The following PLD3 variants were observed in gnomAD, a reference collection of about 807,000 sequenced individuals.
PLD3 encodes the protein 5'-3' exonuclease PLD3.
PLD3 carries 31 observed loss-of-function variants against 58.4 expected under a neutral mutation model. The ratio of observed to expected loss-of-function variants is 0.53; its 90% CI spans 0.40 to 0.72. The LOEUF is 0.72. Among genes scored for constraint, PLD3 ranks in the 30% least tolerant of loss-of-function variants. The probability of loss-of-function intolerance (pLI) is 0.00; values close to 1 mark genes in which losing one functional copy is unlikely to be tolerated. For missense variants in PLD3, 595 were observed against 659.8 expected, an observed-to-expected ratio of 0.90 and a Z score of 1.08; for synonymous variants, 264 against 273.4, an observed-to-expected ratio of 0.97 and a Z score of 0.34.
chr19:40,374,097 C>A (rs557806832), intron 9 of PLD3, among the ~76,000 whole-genome samples: 83 of 152,182 alleles, frequency 5.5e-4, no homozygotes, highest in Admixed American at 5.0e-3. Context: ...GACCCCACCC[C>A]AGCACTCTGA....
chr19:40,367,667 T>A, intron 5 of PLD3, 29 bp from the exon 6 acceptor site: 1 of 1,584,694 alleles, frequency 6.3e-7, no homozygotes, highest in South Asian at 1.1e-5. Context: ...TCCGGCACCG[T>A]ATGGCTGATA....
Position 40,377,783 on chromosome 19 carries a change from C to CA in PLD3, c.1186-2dup. On this transcript the variant is annotated splice_polypyrimidine_tract_variant and splice_region_variant and intron_variant, in intron 11 of 12. Coordinates refer to ENST00000409735, the MANE Select transcript of PLD3 (RefSeq NM_012268.4). ...CTCCTTCCCATCCTCCCCTCCCACTCAGAAACTCTTTGTGGTCCCCGCGGA... is the reference window on the plus strand; with the variant it reads ...CTCCTTCCCATCCTCCCCTCCCACTCAAGAAACTCTTTGTGGTCCCCGCGGA... 6.2e-7 allele frequency: 1 copy of CA among 1,612,224 alleles called. No homozygotes were observed. Among genetic ancestry groups the CA allele is most frequent in the Non-Finnish European group, 8.5e-7 (1 of 1,178,452 alleles).
chr19:40,370,074 A>G (rs773927974), intron 7 of PLD3, 36 bp from the exon 8 acceptor site: 29 of 1,585,698 alleles, frequency 1.8e-5, no homozygotes, highest in Non-Finnish European at 2.4e-5. Context: ...GGGGGTACCC[A>G]GCCTGGCCCC....
intron 1 of PLD3, among the ~76,000 whole-genome samples, chr19:40,362,317 A>G (rs766331587): frequency 6.6e-6 from 1 of 152,240 alleles, no homozygotes; most frequent in African/African-American, 2.4e-5. Flanking sequence ...CACTTCTCCA[A>G]GGTCAAACAG....
chr19:40,378,062 C>T lies in PLD3; in HGVS notation c.1362C>T (p.Gly454=), dbSNP rs771068976. The change falls in exon 13 of 13, where the codon GGC becomes GGT. Residue 454 remains glycine, a synonymous_variant. Transcript: ENST00000409735. ...TGCTGGTGACGCAGAATGGGAGGGG[C>T]GGCCTGCGGAGCCAGCTGGAGGCCA... The part of the protein sequence containing the change: ...TSLLVTQNGR[G]GLRSQLEAIF... The T allele has an allele frequency of 6.8e-6, 11 of 1,613,770 alleles. No homozygotes were observed. The highest frequency in any genetic ancestry group is 1.6e-4 in the Middle Eastern group (1 of 6,082).
At chr19:40,370,505 T>C in intron 8 of PLD3, 1 of 269,292 alleles carries the variant, frequency 3.7e-6, no homozygotes, top group Non-Finnish European at 7.0e-6. Context: ...AGACCCCATC[T>C]CTACCAAAAA....
intron 10 of PLD3, 43 bp from the exon 11 acceptor site, chr19:40,376,566 C>G: frequency 1.9e-6 from 3 of 1,579,502 alleles, no homozygotes; most frequent in Non-Finnish European, 2.6e-6. Context: ...TGGACACAGC[C>G]GCCCTCTGCA....
At chr19:40,361,997 C>T (rs551844137) in intron 1 of PLD3, among the ~76,000 whole-genome samples, 6 of 152,078 alleles carry the variant, frequency 3.9e-5, no homozygotes, top group South Asian at 2.1e-4. Context: ...CCAACACGCC[C>T]GGCTAATTTT....
intron 5 of PLD3, chr19:40,367,145 C>T (rs2078946013): frequency 1.8e-6 from 1 of 544,836 alleles, no homozygotes; most frequent in Non-Finnish European, 3.2e-6. Context: ...ATCTTCCACC[C>T]ACATCTGTGG....
chr19:40,352,266 C>G (rs796256704), intron 1 of PLD3, among the ~76,000 whole-genome samples: 4 of 152,174 alleles, frequency 2.6e-5, no homozygotes, highest in African/African-American at 9.6e-5. Flanking sequence ...GAGCAAGACT[C>G]CATCTCAGAT....
chr19:40,357,353 A>C (rs950364908), intron 1 of PLD3: 9 of 152,292 alleles, frequency 5.9e-5, no homozygotes, highest in Admixed American at 2.6e-4. Context: ...AGCCTACCAA[A>C]GTGCTGGAAT....
Position 40,378,146 on chromosome 19 carries a change from C to A in PLD3, c.1446C>A (p.Ser482Arg). 1 of 1,611,694 alleles carries A rather than the reference C, an allele frequency of 6.2e-7. No homozygotes were observed. Reference sequence around the variant, plus strand: ...ATGACCTTGACACCTCAGCTGACAGCGTGGGCAACGCCTGCCGCCTGCTCT... The same window carrying A: ...ATGACCTTGACACCTCAGCTGACAGAGTGGGCAACGCCTGCCGCCTGCTCT... ...YSHDLDTSAD[S>R]VGNACRLL is the part of the protein sequence containing the mutation. Residue 482 changes from serine (S) to arginine (R), a missense_variant, in exon 13 of 13, where the codon AGC (serine) becomes AGA (arginine). Physicochemically the swap from Ser to Arg is moderately radical, Grantham distance 110. Transcript: ENST00000409735.
intron 1 of PLD3, among the ~76,000 whole-genome samples, chr19:40,360,765 A>G (rs1253231775): frequency 6.6e-6 from 1 of 151,936 alleles, no homozygotes; most frequent in Non-Finnish European, 1.5e-5. Flanking sequence ...CCCTAATGTC[A>G]GCCTCCCTGT....
At chr19:40,358,826 G>A (rs917391365) in intron 1 of PLD3, 1 of 152,258 alleles carries the variant, frequency 6.6e-6, no homozygotes, top group Admixed American at 6.5e-5. Context: ...AAGGGCTGCT[G>A]TAGAGGAGGA....
intron 1 of PLD3, chr19:40,358,867 G>C (rs1362662294): frequency 1.3e-5 from 2 of 152,150 alleles, no homozygotes; most frequent in East Asian, 3.9e-4. Context: ...CCTCCCCTGG[G>C]GGTGGGGTGT....
At position 40,370,191 on chromosome 19, in the gene PLD3, A is replaced by G; in HGVS notation, c.632A>G (p.His211Arg). 1 of 1,613,856 alleles carries G rather than the reference A, an allele frequency of 6.2e-7. No homozygotes were observed. The highest frequency in any genetic ancestry group is 1.1e-5 in the South Asian group (1 of 91,058). The change falls in exon 8 of 13, where the codon CAC (histidine) becomes CGC (arginine). Residue 211 changes from histidine to arginine, a missense_variant. Transcript: ENST00000409735. ...AAGTTCTGGGTGGTGGACCAGACCC[A>G]CTTCTACCTGGGCAGTGCCAACATG... is the stretch of plus-strand genomic sequence containing the variant. The part of the protein sequence containing the change: ...HTKFWVVDQT[H>R]FYLGSANMDW...
intron 9 of PLD3, 87 bp downstream of exon 9, chr19:40,371,960 G>C (rs1305119824): frequency 1.8e-6 from 2 of 1,111,216 alleles, no homozygotes; most frequent in African/African-American, 3.1e-5. Flanking sequence ...GTGATGACAG[G>C]GAGGGCGTAT....
chr19:40,349,741 C>G (rs2078440249), intron 1 of PLD3, among the ~76,000 whole-genome samples: 1 of 151,896 alleles, frequency 6.6e-6, no homozygotes, highest in Admixed American at 6.6e-5. Flanking sequence ...GGCGGATCAC[C>G]TGATGTCGGG....
At chr19:40,367,423 G>C (rs1053023612) in intron 5 of PLD3, 3 of 359,136 alleles carry the variant, frequency 8.4e-6, no homozygotes, top group Non-Finnish European at 1.5e-5. Flanking sequence ...TCTACTAAAA[G>C]TAAAAAAAGT....
Sources: allele counts gnomAD v4.1 joint callset (sites outside exome capture counted in the v4.1 genomes callset), GRCh38; gene constraint gnomAD v4.1.1; transcripts MANE v1.5; gene names NCBI Gene and HGNC (gene_info 2026-07-23, HGNC 2026-07-21).